Variants in SCFD2 observed in about 807,000 individuals in gnomAD.
The protein encoded by SCFD2 is sec1 family domain-containing protein 2.
SCFD2 carries 54 observed loss-of-function variants against 58.9 expected under a neutral mutation model. That is an observed-to-expected ratio of 0.92 (90% CI 0.74 to 1.15). SCFD2 has a LOEUF of 1.15. Among genes scored for constraint, SCFD2 ranks in the 50% most tolerant of loss-of-function variants. The pLI is 0.00. For synonymous variants in SCFD2, 321 were observed against 335.9 expected (o/e 0.96, Z 0.49); for missense variants, 805 against 836.6 (o/e 0.96, Z 0.47).
intron 5 of SCFD2, among the ~76,000 whole-genome samples, chr4:53,043,354 C>T (rs1722945954): frequency 6.9e-6 from 1 of 144,304 alleles, no homozygotes; most frequent in South Asian, 2.1e-4. Context: ...GAGATCTTAG[C>T]TGTCAACTAA....
chr4:53,267,317 A>T (rs867604957), intron 4 of SCFD2, among the ~76,000 whole-genome samples: 1 of 152,188 alleles, frequency 6.6e-6, no homozygotes, highest in African/African-American at 2.4e-5. Flanking sequence ...CTACTTTCAA[A>T]CCAAAGCCTG....
chr4:53,199,946 G>A (rs939951939), intron 4 of SCFD2, among the ~76,000 whole-genome samples: 1 of 150,644 alleles, frequency 6.6e-6, no homozygotes, highest in Non-Finnish European at 1.5e-5. Flanking sequence ...AGAAGAGCAA[G>A]AGAGAGTGAG....
At chr4:53,285,755 T>C (rs1577931182) in intron 3 of SCFD2, among the ~76,000 whole-genome samples, 1 of 151,990 alleles carries the variant, frequency 6.6e-6, no homozygotes, top group African/African-American at 2.4e-5. Context: ...GGACTTCTCC[T>C]TGAGGGGAAA....
chr4:53,035,025 T>C (rs1722719625), intron 5 of SCFD2, among the ~76,000 whole-genome samples: 1 of 152,310 alleles, frequency 6.6e-6, no homozygotes. Flanking sequence ...AAGACAATTC[T>C]GGGCAAGAAG....
intron 4 of SCFD2, among the ~76,000 whole-genome samples, chr4:53,247,196 C>A (rs1730113660): frequency 6.6e-6 from 1 of 152,058 alleles, no homozygotes. Context: ...CAAATAAAAA[C>A]CATAGTGACA....
chr4:53,259,037 C>A (rs1730746345), intron 4 of SCFD2, among the ~76,000 whole-genome samples: 1 of 152,074 alleles, frequency 6.6e-6, no homozygotes, highest in South Asian at 2.1e-4. Context: ...TGAGAATTGT[C>A]TATTCATGTC....
At chr4:53,249,217 T>A (rs1577894845) in intron 4 of SCFD2, among the ~76,000 whole-genome samples, 1 of 151,842 alleles carries the variant, frequency 6.6e-6, no homozygotes. Context: ...TGATGGAAGA[T>A]GAAATGAATA....
chr4:53,099,737 T>C (rs1433641661), intron 5 of SCFD2, among the ~76,000 whole-genome samples: 2 of 152,172 alleles, frequency 1.3e-5, no homozygotes, highest in Non-Finnish European at 2.9e-5. Context: ...AGGGCATTAG[T>C]CTTATTCATG....
chr4:53,231,638 T>C (rs890530532), intron 4 of SCFD2, among the ~76,000 whole-genome samples: 1 of 152,178 alleles, frequency 6.6e-6, no homozygotes, highest in African/African-American at 2.4e-5. Flanking sequence ...TTAAAAACTA[T>C]CCTGGTCAAT....
intron 5 of SCFD2, among the ~76,000 whole-genome samples, chr4:52,936,297 C>G (rs181549240): frequency 6.6e-6 from 1 of 152,274 alleles, no homozygotes; most frequent in East Asian, 1.9e-4. Flanking sequence ...TTAAACTCAT[C>G]CTCCTGTCCT....
At chr4:53,004,441 T>G (rs1461686153) in intron 5 of SCFD2, among the ~76,000 whole-genome samples, 2 of 152,210 alleles carry the variant, frequency 1.3e-5, no homozygotes, top group Non-Finnish European at 2.9e-5. Context: ...ATAAGTCCCA[T>G]AGCTAACATT....
At chr4:52,931,478 T>A (rs301122) in intron 5 of SCFD2, among the ~76,000 whole-genome samples, 28,126 of 152,112 alleles carry the variant, frequency 0.18, 3,252 homozygotes, top group African/African-American at 0.32. Flanking sequence ...AGCTGGCAGT[T>A]TTCCTGTTAA....
chr4:53,173,887 C>G (rs932122050), intron 4 of SCFD2, among the ~76,000 whole-genome samples: 3 of 152,098 alleles, frequency 2.0e-5, no homozygotes, highest in African/African-American at 7.2e-5. Flanking sequence ...ATACACACAT[C>G]ATACAGCAGA....
intron 5 of SCFD2, among the ~76,000 whole-genome samples, chr4:53,083,597 C>A (rs534093786): frequency 1.8e-4 from 27 of 152,242 alleles, no homozygotes; most frequent in African/African-American, 6.5e-4. Flanking sequence ...AAAGATCATT[C>A]ATCATTATTG....
intron 4 of SCFD2, among the ~76,000 whole-genome samples, chr4:53,156,411 A>G (rs989423940): frequency 5.3e-5 from 8 of 149,702 alleles, no homozygotes; most frequent in Admixed American, 2.0e-4. Context: ...AAAAAAAAAA[A>G]AAAGAAAAGA....
chr4:53,343,142 A>T (rs1001367575), intron 2 of SCFD2, among the ~76,000 whole-genome samples: 7 of 152,092 alleles, frequency 4.6e-5, no homozygotes, highest in Non-Finnish European at 2.9e-5. Context: ...GACACAAAAA[A>T]CCCATCAAAA....
intron 4 of SCFD2, among the ~76,000 whole-genome samples, chr4:53,267,568 A>G (rs763412521): frequency 6.6e-6 from 1 of 152,102 alleles, no homozygotes; most frequent in Non-Finnish European, 1.5e-5. Flanking sequence ...CTTTTCCCCA[A>G]TCTTATTTAT....
intron 7 of SCFD2, among the ~76,000 whole-genome samples, chr4:52,886,814 T>C (rs1340392602): frequency 2.6e-5 from 4 of 152,234 alleles, no homozygotes; most frequent in Non-Finnish European, 5.9e-5. Flanking sequence ...CAATAAAGAT[T>C]TCATTGAAAG....
chr4:53,216,051 T>C (rs1340872105), intron 4 of SCFD2, among the ~76,000 whole-genome samples: 2 of 152,186 alleles, frequency 1.3e-5, no homozygotes, highest in African/African-American at 4.8e-5. Context: ...GGTTCATCAG[T>C]ATGTTATTGA....
Sources: allele counts gnomAD v4.1 joint callset (sites outside exome capture counted in the v4.1 genomes callset), GRCh38; gene constraint gnomAD v4.1.1; transcripts MANE v1.5; gene names NCBI Gene and HGNC (gene_info 2026-07-23, HGNC 2026-07-21).